The following EXOC3L4 variants were observed in gnomAD, a reference collection of about 807,000 sequenced individuals.
EXOC3L4 encodes exocyst complex component 3 like 4.
A neutral mutation model predicts 69.7 loss-of-function variants in EXOC3L4; 62 were observed. The observed-to-expected ratio is 0.89, with a 90% CI of 0.72 to 1.10. The LOEUF is 1.10. Ranked by LOEUF, EXOC3L4 falls within the 50% of genes least tolerant of loss-of-function variation. The pLI is 0.00. For missense variants in EXOC3L4, 1,087 were observed against 1,034.8 expected (o/e 1.05, Z -0.69); for synonymous variants, 502 against 464.2 (o/e 1.08, Z -1.05).
At chr14:103,103,364 A>AAAAAAAG (rs1555403220) in intron 3 of EXOC3L4, among the ~76,000 whole-genome samples, 1 of 149,794 alleles carries the variant, frequency 6.7e-6, no homozygotes, top group Admixed American at 6.6e-5. Context: ...CAAAAAAAAA[A>AAAAAAAG]AAAAAAAGAA....
rs1345390365 is a variant in EXOC3L4 at position 103,100,442 on chromosome 14, C to T, written c.223C>T (p.Leu75=). 1 of 1,613,420 alleles carries T rather than the reference C, an allele frequency of 6.2e-7. No homozygotes were observed. Among genetic ancestry groups the T allele is most frequent in the Non-Finnish European group, 8.5e-7 (1 of 1,179,944 alleles). ...LTQVSKEDTG[L]FRRSSCSLFR... Reference sequence around the variant, plus strand: ...CCAGGTCTCCAAGGAAGATACGGGCCTGTTCCGGCGAAGCTCCTGCTCCCT... The same window carrying T: ...CCAGGTCTCCAAGGAAGATACGGGCTTGTTCCGGCGAAGCTCCTGCTCCCT... Residue 75 remains leucine (L), a synonymous_variant, in exon 2 of 12, where the codon CTG becomes TTG. Coordinates refer to ENST00000688303, the MANE Select transcript of EXOC3L4 (RefSeq NM_001077594.2).
Position 103,100,296 on chromosome 14 carries a change from C to T in EXOC3L4, c.77C>T (p.Ala26Val). The part of the protein sequence containing the change: ...PKEAEEPQTP[A>V]QGSRRTSSRK... ...GAGGCTGAGGAGCCACAGACTCCAGCTCAGGGCTCCCGGCGAACAAGCAGC... is the reference window on the plus strand; with the variant it reads ...GAGGCTGAGGAGCCACAGACTCCAGTTCAGGGCTCCCGGCGAACAAGCAGC... The change falls in exon 2 of 12, where the codon GCT (alanine) becomes GTT (valine). Residue 26 changes from alanine to valine, a missense_variant. Ala to Val is a moderately conservative substitution (Grantham distance 64). Coordinates refer to ENST00000688303, the MANE Select transcript of EXOC3L4 (RefSeq NM_001077594.2). 3 of 1,581,570 alleles carry T rather than the reference C, an allele frequency of 1.9e-6. No individual in the cohort carries two copies. Among genetic ancestry groups the T allele is most frequent in the Non-Finnish European group, 2.6e-6 (3 of 1,162,940 alleles).
intron 8 of EXOC3L4, 67 bp downstream of exon 8, chr14:103,106,966 T>C: frequency 7.7e-7 from 1 of 1,293,876 alleles, no homozygotes; most frequent in Non-Finnish European, 1.1e-6. Flanking sequence ...TCCTAGAGCC[T>C]GGGGGCCCAG....
At chr14:103,108,594 G>A in intron 11 of EXOC3L4, 77 bp downstream of exon 11, 2 of 1,559,508 alleles carry the variant, frequency 1.3e-6, no homozygotes, top group East Asian at 2.3e-5. Flanking sequence ...AGCAACCCCA[G>A]CCCAGACCTG....
At chr14:103,104,631 T>C in intron 5 of EXOC3L4, 107 bp from the exon 6 acceptor site, 1 of 1,261,920 alleles carries the variant, frequency 7.9e-7, no homozygotes, top group Non-Finnish European at 1.0e-6. Flanking sequence ...GGGCCAAGAC[T>C]GACAGGCACA....
In EXOC3L4 at chr14:103,097,591, G is replaced by T. The variant is rs1417759016; in HGVS notation, c.-16-2613G>T. Among the ~76,000 whole-genome samples, 4 of 152,194 alleles carry T rather than the reference G, an allele frequency of 2.6e-5. No homozygotes were observed. Among genetic ancestry groups the T allele is most frequent in the African/African-American group, 4.8e-5 (2 of 41,428 alleles). On this transcript the variant is annotated intron_variant, in intron 1 of 11. Coordinates refer to ENST00000688303, the MANE Select transcript of EXOC3L4 (RefSeq NM_001077594.2). The surrounding 1 kb of genome is among the most constrained non-coding windows in gnomAD (Gnocchi z 4.9). ...GATACCGATGTTCCGCCTGCTTCCA[G>T]GCTGTGCTCAGGGGTGACCGGGGTA... is the stretch of plus-strand genomic sequence containing the variant.
chr14:103,100,062 CT>C (rs966218117), intron 1 of EXOC3L4, 141 bp from the exon 2 acceptor site: 145 of 889,758 alleles, frequency 1.6e-4, no homozygotes, highest in Non-Finnish European at 1.5e-4. Context: ...AGAGAGTGGC[CT>C]GGTGATGCTT....
In EXOC3L4 at chr14:103,107,792, G is replaced by T; in HGVS notation, c.1854+9G>T. The T allele has an allele frequency of 6.6e-7, 1 of 1,506,416 alleles. No individual in the cohort carries two copies. The highest frequency in any genetic ancestry group is 1.4e-5 in the African/African-American group (1 of 72,168). The allele number at this position is 1,506,416 out of a possible 1,614,324, so 93.3% of individuals were successfully genotyped here. On this transcript the variant is annotated intron_variant, in intron 10 of 11. Transcript: ENST00000688303. Reference sequence around the variant, plus strand: ...ACACCTTCCAGGGCCTGGTAGGGGCGGCATGACTGCCCTTCGGTGCTCGCC... The same window carrying T: ...ACACCTTCCAGGGCCTGGTAGGGGCTGCATGACTGCCCTTCGGTGCTCGCC...
intron 1 of EXOC3L4, among the ~76,000 whole-genome samples, chr14:103,095,956 C>A (rs1032562890): frequency 2.0e-5 from 3 of 152,078 alleles, no homozygotes; most frequent in African/African-American, 7.2e-5. Context: ...TTCTTCCAGC[C>A]AAATGTTGAG....
At chr14:103,107,342 G>C in intron 8 of EXOC3L4, 82 bp from the exon 9 acceptor site, 1 of 1,559,646 alleles carries the variant, frequency 6.4e-7, no homozygotes, top group South Asian at 1.2e-5. Flanking sequence ...AAGGGGTCAG[G>C]AGTGGCACAC....
rs1232189959 is a variant in EXOC3L4, at chr14:103,104,741, G to C, written c.1288G>C (p.Val430Leu). 6.0e-6 allele frequency: 9 copies of C among 1,506,204 alleles called. No individual in the cohort carries two copies. The East Asian group carries it at 2.0e-4, about 34-fold the overall frequency. The allele number at this position is 1,506,204 out of a possible 1,614,324, so 93.3% of individuals were successfully genotyped here. Residue 430 changes from valine (V) to leucine (L), a missense_variant, in exon 6 of 12, where the codon GTG becomes CTG. Coordinates refer to ENST00000688303, the MANE Select transcript of EXOC3L4 (RefSeq NM_001077594.2). ...APLSMDVHML[V>L]AEHVKAAGAI... is the part of the protein sequence containing the mutation. ...CAGTGCGGGGCTTCGCTCGCAGCTC[G>C]TGGCCGAGCACGTGAAGGCGGCCGG...
chr14:103,110,017 G>A lies in EXOC3L4; in HGVS notation c.1977-14G>A, dbSNP rs750598149. Reference sequence around the variant, plus strand: ...AGGTGTAGGTCTGCAGTGAGTGCCCGCATGTCTCTGCAGGCGGGACCACAT... The same window carrying A: ...AGGTGTAGGTCTGCAGTGAGTGCCCACATGTCTCTGCAGGCGGGACCACAT... On this transcript the variant is annotated splice_polypyrimidine_tract_variant and intron_variant, in intron 11 of 11. Transcript: ENST00000688303. The A allele has an allele frequency of 7.9e-5, 124 of 1,579,472 alleles. No individual in the cohort carries two copies. Among genetic ancestry groups the A allele is most frequent in the African/African-American group, 5.8e-4 (43 of 74,284 alleles).
intron 1 of EXOC3L4, among the ~76,000 whole-genome samples, chr14:103,096,570 C>T (rs772361403): frequency 2.0e-5 from 3 of 152,134 alleles, no homozygotes; most frequent in Admixed American, 1.3e-4. Context: ...TATTTGTTTA[C>T]CTCCTGTTTT....
In EXOC3L4 at chr14:103,097,950, G is replaced by T. The variant is rs535009258; in HGVS notation, c.-16-2254G>T. ...TTCCAGGATGGATGCCCGGCTGTGG[G>T]GCTCGGGCAGGAGGGAACCATGGAA... On this transcript the variant is annotated intron_variant, in intron 1 of 11. Coordinates refer to ENST00000688303, the MANE Select transcript of EXOC3L4 (RefSeq NM_001077594.2). The surrounding 1 kb of genome is among the most constrained non-coding windows in gnomAD (Gnocchi z 4.9). 6.6e-6 allele frequency among the ~76,000 whole-genome samples: 1 copy of T among 152,214 alleles called. No homozygotes were observed. The highest frequency in any genetic ancestry group is 6.5e-5 in the Admixed American group (1 of 15,302).
intron 2 of EXOC3L4, 62 bp downstream of exon 2, chr14:103,100,675 A>T: frequency 1.3e-6 from 2 of 1,504,448 alleles, no homozygotes; most frequent in East Asian, 4.7e-5. Context: ...AGGGCAGCTC[A>T]GCTGAGGTTT....
chr14:103,110,401 G>A lies in EXOC3L4; in HGVS notation c.*178G>A. 1 of 769,078 alleles carries A rather than the reference G, an allele frequency of 1.3e-6. No homozygotes were observed. The highest frequency in any genetic ancestry group is 2.2e-6 in the Non-Finnish European group (1 of 448,212). The allele number at this position is 769,078 out of a possible 1,614,324, so 47.6% of individuals were successfully genotyped here. A position where few individuals can be genotyped will look rare whatever the true frequency, so the allele number is the denominator to read the frequency against. On this transcript the variant is annotated 3_prime_UTR_variant, in exon 12 of 12. Transcript: ENST00000688303. ...GGCCAGAAGGAGCAGCCGTGCAGGA[G>A]GCATTTCAGGCATCGTTGAGGGGAG...
At chr14:103,101,778 A>G (rs962423223) in intron 2 of EXOC3L4, among the ~76,000 whole-genome samples, 1 of 152,202 alleles carries the variant, frequency 6.6e-6, no homozygotes, top group Non-Finnish European at 1.5e-5. Context: ...CTCCGACCCT[A>G]TTAGACCTGC....
chr14:103,103,980 C>A lies in EXOC3L4; in HGVS notation c.1089C>A (p.Ala363=). The A allele has an allele frequency of 6.4e-7, 1 of 1,559,210 alleles. No homozygotes were observed. Among genetic ancestry groups the A allele is most frequent in the Non-Finnish European group, 8.6e-7 (1 of 1,158,918 alleles). The part of the protein sequence containing the change: ...FLGAPGLALP[A]EPLPPLLAPD... ...GCGCCCCGGGGCTGGCGCTGCCCGC[C>A]GAGCCGCTGCCTCCGCTCCTGGCGC... Residue 363 remains alanine (A), a synonymous_variant, in exon 4 of 12, where the codon GCC becomes GCA. Coordinates refer to ENST00000688303, the MANE Select transcript of EXOC3L4 (RefSeq NM_001077594.2).
chr14:103,099,601 C>A (rs1201476608), intron 1 of EXOC3L4, among the ~76,000 whole-genome samples: 2 of 152,228 alleles, frequency 1.3e-5, no homozygotes. Flanking sequence ...TGGCCACTGC[C>A]CTCAGGCCCC....
Sources: allele counts gnomAD v4.1 joint callset (sites outside exome capture counted in the v4.1 genomes callset), GRCh38; gene constraint gnomAD v4.1.1; non-coding constraint Gnocchi (gnomAD v3.1); transcripts MANE v1.5; gene names NCBI Gene and HGNC (gene_info 2026-07-23, HGNC 2026-07-21).